Variants in FANCM observed in about 807,000 individuals in gnomAD.
FANCM encodes the protein Fanconi anemia group M protein.
In FANCM, 140 loss-of-function variants were observed where a neutral mutation model predicts 199.5. The ratio of observed to expected loss-of-function variants is 0.70; its 90% confidence interval spans 0.61 to 0.81. The LOEUF (loss-of-function observed/expected upper bound fraction) is 0.81, where lower values mean the gene tolerates loss of function less well. Ranked by LOEUF, FANCM falls within the 30% of genes least tolerant of loss-of-function variation. The pLI is 0.00. For missense variants in FANCM, 2,410 were observed against 2,421.4 expected (o/e 1.00, Z 0.10); for synonymous variants, 840 against 836.8 (o/e 1.00, Z -0.07).
intron 14 of FANCM, among the ~76,000 whole-genome samples, chr14:45,180,211 C>G (rs2139265916): frequency 6.6e-6 from 1 of 152,310 alleles, no homozygotes; most frequent in Admixed American, 6.5e-5. Flanking sequence ...CTCAAGGTTT[C>G]TATACAACAG....
chr14:45,169,517 A>G (rs1888206887), intron 11 of FANCM, among the ~76,000 whole-genome samples: 1 of 151,934 alleles, frequency 6.6e-6, no homozygotes, highest in Non-Finnish European at 1.5e-5. Context: ...TCCTCCTGTC[A>G]GCCTCCTGTG....
At chr14:45,138,829 C>T (rs1885711866) in intron 2 of FANCM, among the ~76,000 whole-genome samples, 1 of 152,102 alleles carries the variant, frequency 6.6e-6, no homozygotes, top group Non-Finnish European at 1.5e-5. Context: ...TCCAGATATA[C>T]ATTCCAATAG....
At chr14:45,161,483 A>G (rs866208553) in intron 9 of FANCM, among the ~76,000 whole-genome samples, 24 of 152,094 alleles carry the variant, frequency 1.6e-4, no homozygotes, top group African/African-American at 5.8e-4. Context: ...CTCGGTTTAT[A>G]TTTTAAAAGA....
rs1359477676 is a variant in FANCM, at chr14:45,196,376, C to A, written c.5545C>A (p.Pro1849Thr). The change falls in exon 21 of 23, where the codon CCT becomes ACT. Residue 1849 changes from proline to threonine, a missense_variant. By Grantham distance (38) the Pro-to-Thr change is conservative (BLOSUM62 -1). Transcript: ENST00000267430. ...AIHGLQVEVC[P>T]LNGCDYIVSN... is the part of the protein sequence containing the mutation. ...TCATGGGTTGCAAGTAGAAGTTTGT[C>A]CTCTTAATGGCTGTGATTACATCGT... 1.2e-5 allele frequency: 19 copies of A among 1,613,930 alleles called. No individual in the cohort carries two copies. The highest frequency in any genetic ancestry group is 2.7e-5 in the African/African-American group (2 of 74,896).
At chr14:45,190,722 A>G (rs1305411323) in intron 20 of FANCM, among the ~76,000 whole-genome samples, 1 of 135,866 alleles carries the variant, frequency 7.4e-6, no homozygotes, top group Non-Finnish European at 1.6e-5. Context: ...AATTGTCCCC[A>G]TTTTTTTTTT....
intron 17 of FANCM, among the ~76,000 whole-genome samples, chr14:45,184,282 C>G (rs1889250727): frequency 6.6e-6 from 1 of 152,100 alleles, no homozygotes; most frequent in East Asian, 1.9e-4. Context: ...GTTCTCAGTA[C>G]CTTTCCTTTC....
chr14:45,198,453 C>T (rs954916042), intron 21 of FANCM, 191 bp from the exon 22 acceptor site: 11 of 462,474 alleles, frequency 2.4e-5, no homozygotes, highest in African/African-American at 1.8e-4. Context: ...CAGCTCAAGG[C>T]GCTCATAGTT....
Position 45,189,259 on chromosome 14 carries a change from C to T in FANCM, c.5237C>T (p.Ser1746Leu), listed in dbSNP as rs1889613187. 1.2e-6 allele frequency: 2 copies of T among 1,613,484 alleles called. No homozygotes were observed. Among genetic ancestry groups the T allele is most frequent in the Non-Finnish European group, 1.7e-6 (2 of 1,179,380 alleles). Residue 1746 changes from serine (S) to leucine (L), a missense_variant, in exon 20 of 23, where the codon TCA (serine) becomes TTA (leucine). By Grantham distance (145) the Ser-to-Leu change is moderately radical. Coordinates refer to ENST00000267430, the MANE Select transcript of FANCM (RefSeq NM_020937.4). ...TTAAAGGATACAATTTCCGAAGTCT[C>T]AGACTTCAAACCTCAGAATCATAAT... ...LNLKDTISEVSDFKPQNHNEV... is the reference protein window; with the variant it reads ...LNLKDTISEVLDFKPQNHNEV...
intron 8 of FANCM, among the ~76,000 whole-genome samples, 186 bp from the exon 9 acceptor site, chr14:45,158,910 G>A (rs1031948562): frequency 1.3e-5 from 2 of 152,202 alleles, no homozygotes; most frequent in East Asian, 1.9e-4. Flanking sequence ...GGGCTCAAGC[G>A]ATTTCCCCAT....
chr14:45,175,801 C>T lies in FANCM; in HGVS notation c.3047C>T (p.Ala1016Val). The change falls in exon 14 of 23, where the codon GCA becomes GTA. Residue 1016 changes from alanine to valine, a missense_variant. By Grantham distance (64) the Ala-to-Val change is moderately conservative. Coordinates refer to ENST00000267430, the MANE Select transcript of FANCM (RefSeq NM_020937.4). ...DLEYEIAKGT[A>V]LENLLFLPCA... Reference sequence around the variant, plus strand: ...GAATATGAAATTGCTAAGGGTACTGCACTTGAGAATTTGCTTTTCTTACCC... The same window carrying T: ...GAATATGAAATTGCTAAGGGTACTGTACTTGAGAATTTGCTTTTCTTACCC... 1 of 1,613,762 alleles carries T rather than the reference C, an allele frequency of 6.2e-7. No homozygotes were observed. The highest frequency in any genetic ancestry group is 8.5e-7 in the Non-Finnish European group (1 of 1,179,896).
chr14:45,156,551 A>C (rs58489682), intron 8 of FANCM, among the ~76,000 whole-genome samples: 1 of 152,130 alleles, frequency 6.6e-6, no homozygotes, highest in Non-Finnish European at 1.5e-5. Context: ...GCTGGGAGAT[A>C]GATTCTAGAT....
rs1392286222 is a variant in FANCM, at chr14:45,164,377, G to A, written c.1600G>A (p.Asp534Asn). 3.1e-6 allele frequency: 5 copies of A among 1,612,632 alleles called. No homozygotes were observed. Among genetic ancestry groups the A allele is most frequent in the Non-Finnish European group, 3.4e-6 (4 of 1,179,706 alleles). Residue 534 changes from aspartate (D) to asparagine (N), a missense_variant, in exon 10 of 23, where the codon GAC (aspartate) becomes AAC (asparagine). Asp to Asn is a conservative substitution (Grantham distance 23, BLOSUM62 1). Transcript: ENST00000267430. ...EQLEVVKQFR[D>N]GGYNTLVSTC... The stretch of plus-strand genomic sequence containing the variant: ...ATTTTAGGTAGTGAAACAGTTTCGT[G>A]ACGGTGGTTACAACACGCTGGTTTC...
At chr14:45,143,764 G>T (rs1021647376) in intron 3 of FANCM, among the ~76,000 whole-genome samples, 4 of 150,136 alleles carry the variant, frequency 2.7e-5, no homozygotes, top group Non-Finnish European at 5.9e-5. Flanking sequence ...CGCGATCTCG[G>T]CTCACTGCAA....
At chr14:45,174,224 T>A (rs1888518403) in intron 13 of FANCM, among the ~76,000 whole-genome samples, 1 of 151,952 alleles carries the variant, frequency 6.6e-6, no homozygotes, top group African/African-American at 2.4e-5. Context: ...CTGTCTGTAC[T>A]AAAAATACAA....
intron 20 of FANCM, among the ~76,000 whole-genome samples, chr14:45,194,892 A>C (rs1889974550): frequency 6.6e-6 from 1 of 150,644 alleles, no homozygotes; most frequent in Non-Finnish European, 1.5e-5. Flanking sequence ...GCTCACTGCA[A>C]CTCCGCCTCC....
chr14:45,181,347 T>C (rs373937618), intron 14 of FANCM, 83 bp from the exon 15 acceptor site: 4 of 734,548 alleles, frequency 5.4e-6, no homozygotes, highest in South Asian at 5.0e-5. Flanking sequence ...TAATTCTTAA[T>C]GTAGCCATCA....
In FANCM at chr14:45,196,471, C is replaced by A. The variant is rs1488667187; in HGVS notation, c.5640C>A (p.Phe1880Leu). The change falls in exon 21 of 23, where the codon TTC (phenylalanine) becomes TTA (leucine). Residue 1880 changes from phenylalanine (F) to leucine (L), a missense_variant. Phe to Leu is a conservative substitution (Grantham distance 22). Transcript: ENST00000267430. ...TAAATAGTGTCAATAAGAACAAGTTCATTGAGCAGATCCAGCACCTGCAGA... is the reference window on the plus strand; with the variant it reads ...TAAATAGTGTCAATAAGAACAAGTTAATTGAGCAGATCCAGCACCTGCAGA... ...EMLNSVNKNK[F>L]IEQIQHLQSM... 1.2e-6 allele frequency: 2 copies of A among 1,613,758 alleles called. No homozygotes were observed. Among genetic ancestry groups the A allele is most frequent in the African/African-American group, 1.3e-5 (1 of 74,882 alleles).
In FANCM at chr14:45,159,119, C is replaced by T. The variant is rs999205481; in HGVS notation, c.1420C>T (p.Arg474Cys). 5.6e-6 allele frequency: 9 copies of T among 1,608,824 alleles called. No individual in the cohort carries two copies. In the Admixed American group the frequency reaches 8.4e-5, roughly 15 times the overall value. The change falls in exon 9 of 23, where the codon CGT becomes TGT. Residue 474 changes from arginine to cysteine, a missense_variant. By Grantham distance (180) the Arg-to-Cys change is radical. Coordinates refer to ENST00000267430, the MANE Select transcript of FANCM (RefSeq NM_020937.4). Reference sequence around the variant, plus strand: ...AGCTGAAAACACTACTGAAAAGAAACGTGATGAGACCCGAGTTATGATCTT... The same window carrying T: ...AGCTGAAAACACTACTGAAAAGAAATGTGATGAGACCCGAGTTATGATCTT... Reference protein sequence around the residue: ...WNAENTTEKKRDETRVMIFSS... With the variant: ...WNAENTTEKKCDETRVMIFSS...
intron 21 of FANCM, 57 bp from the exon 22 acceptor site, chr14:45,198,587 T>A: frequency 1.7e-6 from 2 of 1,183,050 alleles, no homozygotes; most frequent in Admixed American, 1.9e-5. Flanking sequence ...AGTATATTAA[T>A]AATTCTACTT....
Sources: gnomAD v4.1 joint callset for allele counts (sites outside exome capture counted in the v4.1 genomes callset) on GRCh38, gnomAD v4.1.1 for gene constraint, MANE v1.5 for transcripts, NCBI Gene and HGNC (gene_info 2026-07-23, HGNC 2026-07-21) for gene names.